TRPM3: variants seen among roughly 807,000 people sequenced by gnomAD.
TRPM3 encodes transient receptor potential cation channel subfamily M member 3, also known as long transient receptor potential channel 3.
Under a neutral mutation model 181.2 loss-of-function variants are expected in TRPM3, and 77 were observed. The ratio of observed to expected loss-of-function variants is 0.42; its 90% CI spans 0.35 to 0.51. The LOEUF (loss-of-function observed/expected upper bound fraction) is 0.51. Among genes scored for constraint, TRPM3 ranks in the 20% least tolerant of loss-of-function variants. The probability of loss-of-function intolerance (pLI) is 0.01; values close to 1 mark genes in which losing one functional copy is unlikely to be tolerated. For synonymous variants in TRPM3, 745 were observed against 796.4 expected, an observed-to-expected ratio of 0.94 and a Z score of 1.09; for missense variants, 1,759 against 2,196.7, an observed-to-expected ratio of 0.80 and a Z score of 3.98.
At chr9:71,082,501 T>G (rs189371392) in intron 1 of TRPM3, among the ~76,000 whole-genome samples, 1 of 152,224 alleles carries the variant, frequency 6.6e-6, no homozygotes, top group African/African-American at 2.4e-5. Flanking sequence ...TCTAGGTAAA[T>G]AAAGGGAATC....
chr9:71,303,147 C>T (rs2086933712), intron 1 of TRPM3, among the ~76,000 whole-genome samples: 1 of 152,132 alleles, frequency 6.6e-6, no homozygotes, highest in Admixed American at 6.5e-5. Context: ...GTGATGTAAG[C>T]TTCTCCATCT....
chr9:70,929,507 A>AT (rs1382690319), intron 1 of TRPM3, among the ~76,000 whole-genome samples: 1 of 151,964 alleles, frequency 6.6e-6, no homozygotes, highest in Non-Finnish European at 1.5e-5. Context: ...TTTTAAAATT[A>AT]TTTTATTTAT....
intron 1 of TRPM3, among the ~76,000 whole-genome samples, chr9:71,421,001 G>GAAAA (rs1554658591): frequency 2.4e-5 from 3 of 123,022 alleles, no homozygotes; most frequent in Non-Finnish European, 5.5e-5. Context: ...GAGAGAAAAA[G>GAAAA]AGAGAAAAAG....
intron 1 of TRPM3, among the ~76,000 whole-genome samples, chr9:71,240,660 T>C (rs1426862506): frequency 1.3e-5 from 2 of 150,332 alleles, no homozygotes; most frequent in Non-Finnish European, 2.9e-5. Flanking sequence ...GGAACAAAGA[T>C]AGCAATTTGT....
chr9:70,755,230 G>C (rs904462579), intron 8 of TRPM3, among the ~76,000 whole-genome samples: 1 of 152,008 alleles, frequency 6.6e-6, no homozygotes, highest in South Asian at 2.1e-4. Context: ...GATTCACCAA[G>C]GTTGAAATGA....
chr9:70,578,792 T>C (rs2054757173), intron 22 of TRPM3, among the ~76,000 whole-genome samples: 1 of 152,256 alleles, frequency 6.6e-6, no homozygotes, highest in Admixed American at 6.5e-5. Context: ...TTTTGGGTTC[T>C]GATAGGCCAG....
intron 6 of TRPM3, chr9:70,827,134 T>A (rs1314797502): frequency 6.6e-6 from 1 of 152,266 alleles, no homozygotes; most frequent in Non-Finnish European, 1.5e-5. Context: ...CTAGAGACAA[T>A]GAGTACATAC....
chr9:70,925,027 T>C (rs770974942), intron 1 of TRPM3, among the ~76,000 whole-genome samples: 1 of 152,152 alleles, frequency 6.6e-6, no homozygotes, highest in Non-Finnish European at 1.5e-5. Context: ...ATAACGTGAA[T>C]TGCATGAACA....
At chr9:71,111,701 T>G (rs1405110239) in intron 1 of TRPM3, among the ~76,000 whole-genome samples, 1 of 152,206 alleles carries the variant, frequency 6.6e-6, no homozygotes, top group Non-Finnish European at 1.5e-5. Context: ...GTTCAAGTGA[T>G]CCTTTATTTG....
At chr9:71,256,711 A>T (rs1370720077) in intron 1 of TRPM3, among the ~76,000 whole-genome samples, 3 of 152,162 alleles carry the variant, frequency 2.0e-5, no homozygotes, top group Non-Finnish European at 4.4e-5. Flanking sequence ...GATGGGACCA[A>T]AACAAAAGGT....
At position 71,121,551 on chromosome 9, in the gene TRPM3, C is replaced by T. The variant is rs2073644274; in HGVS notation, c.-197G>A. On this transcript the variant is annotated 5_prime_UTR_variant, in exon 1 of 26. The change creates a new upstream start codon in the 5' untranslated region. Transcript: ENST00000677713. ...CCTGCTGCTTCGGGGAGGGGATGCA[C>T]GATTTTGAAGAAGAGGGACAGCCTG... 1.4e-6 allele frequency: 2 copies of T among 1,381,664 alleles called. No individual in the cohort carries two copies. The highest frequency in any genetic ancestry group is 1.9e-6 in the Non-Finnish European group (2 of 1,070,432). The allele number at this position is 1,381,664 out of a possible 1,614,324, so 85.6% of individuals were successfully genotyped here.
At chr9:70,901,364 T>C (rs1391398149) in intron 1 of TRPM3, among the ~76,000 whole-genome samples, 1 of 152,108 alleles carries the variant, frequency 6.6e-6, no homozygotes, top group Non-Finnish European at 1.5e-5. Context: ...TGTCAAGTAA[T>C]AGAAAGGCAC....
At chr9:70,781,297 C>G (rs1436169758) in intron 7 of TRPM3, among the ~76,000 whole-genome samples, 1 of 139,464 alleles carries the variant, frequency 7.2e-6, no homozygotes, top group Non-Finnish European at 1.5e-5. Context: ...TGCACTCCAG[C>G]CTGGGGGACA....
At chr9:71,438,490 C>A (rs2094082724) in intron 1 of TRPM3, among the ~76,000 whole-genome samples, 1 of 142,810 alleles carries the variant, frequency 7.0e-6, no homozygotes, top group Admixed American at 7.3e-5. Context: ...GGCAATGTGG[C>A]AAAACCCCTT....
intron 8 of TRPM3, among the ~76,000 whole-genome samples, chr9:70,752,546 C>G (rs1307155344): frequency 6.6e-6 from 1 of 152,164 alleles, no homozygotes; most frequent in Non-Finnish European, 1.5e-5. Flanking sequence ...AAGGCTGATA[C>G]ATTTAGCTGC....
chr9:70,625,354 A>T lies in TRPM3; in HGVS notation c.1669-23T>A. On this transcript the variant is annotated intron_variant, in intron 13 of 25. Coordinates refer to ENST00000677713, the MANE Select transcript of TRPM3 (RefSeq NM_001366145.2). The surrounding 1 kb of genome is among the most constrained non-coding windows in gnomAD (Gnocchi z 4.8). ...CCCCTATCAGGGTAGAATGAAACAA[A>T]CAGACAAATCCAAAAGACAACGTGG... 1.2e-6 allele frequency: 2 copies of T among 1,613,746 alleles called. No homozygotes were observed. Among genetic ancestry groups the T allele is most frequent in the Non-Finnish European group, 1.7e-6 (2 of 1,179,724 alleles).
Position 71,199,530 on chromosome 9 carries a change from G to C in TRPM3, c.183+247123C>G, listed in dbSNP as rs567449847. 1.9e-4 allele frequency among the ~76,000 whole-genome samples: 29 copies of C among 152,154 alleles called. No individual in the cohort carries two copies. In the South Asian group the frequency reaches 2.5e-3, roughly 13 times the overall value. ...GACTCTTTTTGGTTGGTAAGCTATTGATTATTGCCACAATTTCAGAGCCTG... is the reference window on the plus strand; with the variant it reads ...GACTCTTTTTGGTTGGTAAGCTATTCATTATTGCCACAATTTCAGAGCCTG... On this transcript the variant is annotated intron_variant, in intron 1 of 24. Coordinates refer to the TRPM3 transcript ENST00000357533.
At chr9:71,312,125 GAAGAC>G (rs1390647158) in intron 1 of TRPM3, among the ~76,000 whole-genome samples, 1 of 152,092 alleles carries the variant, frequency 6.6e-6, no homozygotes, top group Non-Finnish European at 1.5e-5. Context: ...AAGAGAATGA[GAAGAC>G]AAGACACAGA....
At chr9:70,970,586 T>C (rs906422289) in intron 1 of TRPM3, among the ~76,000 whole-genome samples, 5 of 152,200 alleles carry the variant, frequency 3.3e-5, no homozygotes, top group African/African-American at 1.2e-4. Flanking sequence ...TTTTTCTTTC[T>C]GGAGCTTCAC....
Sources: allele counts gnomAD v4.1 joint callset (sites outside exome capture counted in the v4.1 genomes callset), GRCh38; gene constraint gnomAD v4.1.1; non-coding constraint Gnocchi (gnomAD v3.1); transcripts MANE v1.5; gene names NCBI Gene and HGNC (gene_info 2026-07-23, HGNC 2026-07-21).